LOC400499: variants seen among roughly 807,000 people sequenced by gnomAD.
chr16:11,487,793 C>A, the LOC400499 span, among the ~76,000 whole-genome samples: 1 of 152,186 alleles, frequency 6.6e-6, no homozygotes, highest in Non-Finnish European at 1.5e-5. Context: ...CAGCCCTCAG[C>A]AAGCCACAGA....
the LOC400499 span, chr16:11,477,984 G>A: frequency 2.0e-5 from 8 of 398,822 alleles, no homozygotes; most frequent in East Asian, 3.6e-5. Context: ...CTCAGCCTCC[G>A]GTTCATCTGC....
the LOC400499 span, among the ~76,000 whole-genome samples, chr16:11,513,962 C>T: frequency 6.6e-6 from 1 of 152,214 alleles, no homozygotes; most frequent in East Asian, 1.9e-4. Flanking sequence ...TTGTTTCTTT[C>T]TGTGCAGAAT....
At chr16:11,413,741 T>C in the LOC400499 span, among the ~76,000 whole-genome samples, 1 of 152,198 alleles carries the variant, frequency 6.6e-6, no homozygotes, top group Non-Finnish European at 1.5e-5. Flanking sequence ...CATCTTTGCC[T>C]TCATCACAGC....
At chr16:11,431,147 G>A in the LOC400499 span, 33 of 398,918 alleles carry the variant, frequency 8.3e-5, no homozygotes, top group South Asian at 6.4e-4. Flanking sequence ...GTCAGGATCC[G>A]GCCTCCCCTC....
the LOC400499 span, chr16:11,449,257 T>G: frequency 3.0e-6 from 2 of 658,982 alleles, no homozygotes; most frequent in Non-Finnish European, 4.5e-6. Context: ...ACCTGACTGG[T>G]GCAGGTAGGC....
the LOC400499 span, among the ~76,000 whole-genome samples, chr16:11,481,835 A>T: frequency 2.0e-5 from 3 of 152,118 alleles, no homozygotes; most frequent in Admixed American, 2.0e-4. Context: ...GGGTATCACT[A>T]TGTTGACCCG....
At chr16:11,418,137 A>G in the LOC400499 span, among the ~76,000 whole-genome samples, 1 of 152,172 alleles carries the variant, frequency 6.6e-6, no homozygotes, top group Non-Finnish European at 1.5e-5. Context: ...GAAGACCAAG[A>G]TGTCCTGGCT....
the LOC400499 span, among the ~76,000 whole-genome samples, chr16:11,479,456 A>T: frequency 1.1e-5 from 1 of 91,506 alleles, no homozygotes; most frequent in East Asian, 2.8e-4. Flanking sequence ...CTACAAAATT[A>T]AAAAATTAAA....
At chr16:11,518,797 A>G in the LOC400499 span, 1 of 398,340 alleles carries the variant, frequency 2.5e-6, no homozygotes, top group Non-Finnish European at 4.4e-6. Flanking sequence ...GTCCTAATCT[A>G]ATTCAGTGCA....
the LOC400499 span, chr16:11,462,367 C>T: frequency 1.8e-4 from 248 of 1,403,952 alleles, no homozygotes; most frequent in Non-Finnish European, 2.2e-4. Context: ...CCTTACCACA[C>T]GAACTGGGAC....
the LOC400499 span, among the ~76,000 whole-genome samples, chr16:11,416,956 G>A: frequency 1.3e-5 from 2 of 152,098 alleles, no homozygotes; most frequent in African/African-American, 4.8e-5. Flanking sequence ...CACCCTGTGT[G>A]ATCGGGACGG....
At chr16:11,481,272 G>C in the LOC400499 span, among the ~76,000 whole-genome samples, 34 of 152,328 alleles carry the variant, frequency 2.2e-4, 1 homozygote, top group South Asian at 7.0e-3. Flanking sequence ...TCTGGAACGA[G>C]ACAGAAGTGG....
chr16:11,390,489 A>G, the LOC400499 span: 1 of 1,234,274 alleles, frequency 8.1e-7, no homozygotes, highest in East Asian at 3.1e-5. Flanking sequence ...ACCACCCACC[A>G]TGAGACCTCA....
the LOC400499 span, among the ~76,000 whole-genome samples, chr16:11,476,429 A>G: frequency 5.3e-5 from 8 of 151,840 alleles, no homozygotes; most frequent in East Asian, 1.6e-3. Context: ...AGACACGCCC[A>G]CCCTTCACAG....
At chr16:11,409,014 A>C in the LOC400499 span, among the ~76,000 whole-genome samples, 1 of 152,038 alleles carries the variant, frequency 6.6e-6, no homozygotes, top group Non-Finnish European at 1.5e-5. Flanking sequence ...TAATCCCAGC[A>C]CTTTGGGAGG....
At chr16:11,522,413 G>A in the LOC400499 span, among the ~76,000 whole-genome samples, 2 of 152,212 alleles carry the variant, frequency 1.3e-5, no homozygotes, top group African/African-American at 4.8e-5. Context: ...AGGGAATTCT[G>A]TTTGTGAGGG....
chr16:11,398,268 T>C, the LOC400499 span: 392 of 1,183,146 alleles, frequency 3.3e-4, 1 homozygote, highest in African/African-American at 5.7e-3. Flanking sequence ...CCCTGCATTC[T>C]GCGGGCACCA....
chr16:11,457,056 C>A, the LOC400499 span: 1 of 1,503,232 alleles, frequency 6.7e-7, no homozygotes, highest in Non-Finnish European at 8.9e-7. Flanking sequence ...AATGCCCACC[C>A]CCCCAAGATG....
the LOC400499 span, chr16:11,450,621 G>T: frequency 6.5e-7 from 1 of 1,535,974 alleles, no homozygotes; most frequent in South Asian, 1.2e-5. Context: ...GGAGGTAGGT[G>T]GTAGCTGCGG....
Sources: gnomAD v4.1 joint callset for allele counts (sites outside exome capture counted in the v4.1 genomes callset) on GRCh38, gnomAD v4.1.1 for gene constraint, MANE v1.5 for transcripts.